The following ATF7IP2 variants were observed in gnomAD, a reference collection of about 807,000 sequenced individuals.
ATF7IP2 encodes activating transcription factor 7-interacting protein 2.
Under a neutral mutation model 64.2 loss-of-function variants are expected in ATF7IP2, and 42 were observed. The ratio of observed to expected loss-of-function variants is 0.65; its 90% confidence interval spans 0.51 to 0.85. The LOEUF is 0.85. ATF7IP2 is among the 40% of genes least tolerant of loss of function. The pLI, the probability that ATF7IP2 is intolerant of heterozygous loss-of-function variation, is 0.00. For synonymous variants in ATF7IP2, 308 were observed against 272.8 expected (o/e 1.13, Z -1.27); for missense variants, 933 against 784.2 (o/e 1.19, Z -2.27).
chr16:10,407,694 C>T (rs1396301722), intron 1 of ATF7IP2, among the ~76,000 whole-genome samples: 1 of 152,074 alleles, frequency 6.6e-6, no homozygotes, highest in Non-Finnish European at 1.5e-5. Context: ...TACTCGGTTA[C>T]ATAAGTTCTT....
intron 13 of ATF7IP2, 57 bp downstream of exon 13, chr16:10,481,021 CTA>C (rs2050202647): frequency 3.9e-6 from 5 of 1,269,048 alleles, no homozygotes; most frequent in Non-Finnish European, 5.7e-6. Context: ...TGGGAAGTAG[CTA>C]TGTTACTCTT....
chr16:10,477,736 A>T (rs937180082), intron 12 of ATF7IP2, among the ~76,000 whole-genome samples: 1 of 152,114 alleles, frequency 6.6e-6, no homozygotes, highest in Non-Finnish European at 1.5e-5. Context: ...ACATGATTGT[A>T]TATCTAGAAA....
At chr16:10,473,757 T>A (rs115315721) in intron 11 of ATF7IP2, among the ~76,000 whole-genome samples, 166 bp from the exon 12 acceptor site, 104 of 152,342 alleles carry the variant, frequency 6.8e-4, no homozygotes, top group Middle Eastern at 3.4e-3. Context: ...TATAAGAGCT[T>A]TTTAATAGTA....
intron 8 of ATF7IP2, 90 bp downstream of exon 8, chr16:10,440,552 C>A: frequency 1.3e-6 from 1 of 772,468 alleles, no homozygotes; most frequent in Non-Finnish European, 2.1e-6. Context: ...CAGGCTAGGA[C>A]AGAAGGTGTA....
chr16:10,395,499 T>C (rs1030261478), intron 1 of ATF7IP2, among the ~76,000 whole-genome samples: 54 of 152,258 alleles, frequency 3.5e-4, no homozygotes, highest in Non-Finnish European at 5.7e-4. Context: ...AAAAGAAAAC[T>C]GCAGAACGAT....
intron 9 of ATF7IP2, among the ~76,000 whole-genome samples, chr16:10,464,597 C>G (rs990915998): frequency 6.6e-6 from 1 of 152,078 alleles, no homozygotes; most frequent in Non-Finnish European, 1.5e-5. Context: ...CAATTACTTC[C>G]AAAGAGTAAG....
Position 10,431,374 on chromosome 16 carries a change from G to A in ATF7IP2, c.754G>A (p.Asp252Asn), listed in dbSNP as rs531282987. 6.2e-7 allele frequency: 1 copy of A among 1,614,120 alleles called. No individual in the cohort carries two copies. The highest frequency in any genetic ancestry group is 2.2e-5 in the East Asian group (1 of 44,886). The change falls in exon 5 of 14, where the codon GAT becomes AAT. Residue 252 changes from aspartate (D) to asparagine (N), a missense_variant. By Grantham distance (23) the Asp-to-Asn change is conservative. Transcript: ENST00000562102. ...NNCADDILKT[D>N]ECSRTSISNC... ...CTGTGCTGATGACATTTTGAAAACT[G>A]ATGAGTGTAGTAGAACCAGTATTTC... is the stretch of plus-strand genomic sequence containing the variant.
intron 12 of ATF7IP2, among the ~76,000 whole-genome samples, chr16:10,475,011 A>G (rs1302243761): frequency 6.6e-6 from 1 of 152,224 alleles, no homozygotes; most frequent in Non-Finnish European, 1.5e-5. Context: ...GGGAAACCCC[A>G]TCTCTACAAA....
At chr16:10,451,739 C>A (rs2048991982) in intron 8 of ATF7IP2, among the ~76,000 whole-genome samples, 1 of 151,838 alleles carries the variant, frequency 6.6e-6, no homozygotes, top group South Asian at 2.1e-4. Context: ...TTTCAAAGCT[C>A]TTAGCTTCCT....
At chr16:10,412,412 C>T (rs991635581) in intron 1 of ATF7IP2, among the ~76,000 whole-genome samples, 2 of 152,038 alleles carry the variant, frequency 1.3e-5, no homozygotes, top group African/African-American at 2.4e-5. Flanking sequence ...TTTTAATTTC[C>T]ATCTTGATTT....
At chr16:10,417,919 T>C (rs2047911459) in intron 2 of ATF7IP2, among the ~76,000 whole-genome samples, 1 of 152,192 alleles carries the variant, frequency 6.6e-6, no homozygotes, top group Non-Finnish European at 1.5e-5. Context: ...TAATGGTGTT[T>C]TAAAATTGTG....
At chr16:10,440,295 TTA>T in intron 7 of ATF7IP2, 67 bp from the exon 8 acceptor site, 1 of 708,700 alleles carries the variant, frequency 1.4e-6, no homozygotes, top group South Asian at 2.5e-5. Context: ...GGCAAATAAT[TTA>T]CCCTCTATCT....
At chr16:10,473,051 C>G (rs560144322) in intron 10 of ATF7IP2, among the ~76,000 whole-genome samples, 39 of 152,244 alleles carry the variant, frequency 2.6e-4, no homozygotes, top group African/African-American at 8.9e-4. Flanking sequence ...ATTGTCCCCA[C>G]AATTTGGGCT....
chr16:10,467,514 C>G (rs1442263304), intron 9 of ATF7IP2, among the ~76,000 whole-genome samples: 1 of 150,222 alleles, frequency 6.7e-6, no homozygotes, highest in African/African-American at 2.4e-5. Context: ...TACTAGAAGA[C>G]AAAAATATAT....
intron 6 of ATF7IP2, among the ~76,000 whole-genome samples, chr16:10,434,933 C>G (rs2048369912): frequency 6.6e-6 from 1 of 152,114 alleles, no homozygotes; most frequent in Non-Finnish European, 1.5e-5. Context: ...ACCCAGCTAA[C>G]TTTTTGTGTG....
At chr16:10,429,550 CT>C (rs1345727908) in intron 4 of ATF7IP2, among the ~76,000 whole-genome samples, 1 of 151,944 alleles carries the variant, frequency 6.6e-6, no homozygotes, top group Non-Finnish European at 1.5e-5. Flanking sequence ...GCGTTTTGCC[CT>C]GTTGGCCAGG....
intron 2 of ATF7IP2, among the ~76,000 whole-genome samples, chr16:10,419,176 A>G (rs1310397623): frequency 1.3e-5 from 2 of 152,202 alleles, no homozygotes; most frequent in Non-Finnish European, 2.9e-5. Flanking sequence ...AAATAGTGAG[A>G]CCAGAAAGCA....
chr16:10,423,025 A>T (rs1460205293), intron 3 of ATF7IP2, among the ~76,000 whole-genome samples: 1 of 152,234 alleles, frequency 6.6e-6, no homozygotes, highest in Admixed American at 6.5e-5. Flanking sequence ...CAGGCAGATC[A>T]CGAGGTCAGG....
chr16:10,440,042 C>T (rs934524573), intron 7 of ATF7IP2, among the ~76,000 whole-genome samples: 1 of 151,846 alleles, frequency 6.6e-6, no homozygotes, highest in African/African-American at 2.4e-5. Context: ...TGCCTGTAAT[C>T]CTAGCTACTT....
Sources: allele counts gnomAD v4.1 joint callset (sites outside exome capture counted in the v4.1 genomes callset), GRCh38; gene constraint gnomAD v4.1.1; transcripts MANE v1.5; gene names NCBI Gene and HGNC (gene_info 2026-07-23, HGNC 2026-07-21).